IKBKE: variants seen among roughly 807,000 people sequenced by gnomAD.
The protein encoded by IKBKE is inhibitor of nuclear factor kappa B kinase subunit epsilon.
In IKBKE, 45 loss-of-function variants were observed where a neutral mutation model predicts 92.1. The ratio of observed to expected loss-of-function variants is 0.49; its 90% CI spans 0.38 to 0.63. The LOEUF is 0.63. Among genes scored for constraint, IKBKE ranks in the 20% least tolerant of loss-of-function variants. The probability of loss-of-function intolerance (pLI) is 0.00; values close to 1 mark genes in which losing one functional copy is unlikely to be tolerated. For synonymous variants in IKBKE, 374 were observed against 380.3 expected (o/e 0.98, Z 0.19); for missense variants, 700 against 932.8 (o/e 0.75, Z 3.25).
rs782077369 is a variant in IKBKE, at chr1:206,477,745, G to A, written c.702-4G>A. 9 of 1,544,642 alleles carry A rather than the reference G, an allele frequency of 5.8e-6. No homozygotes were observed. Among genetic ancestry groups the A allele is most frequent in the Admixed American group, 2.0e-5 (1 of 50,358 alleles). On this transcript the variant is annotated splice_region_variant and splice_polypyrimidine_tract_variant and intron_variant, in intron 7 of 21. Coordinates refer to ENST00000581977, the MANE Select transcript of IKBKE (RefSeq NM_014002.4). Reference sequence around the variant, plus strand: ...TCCCGCTGACCTGGCCTTCCTCCCCGCAGGTACCGGATCACCACGGAGAAG... The same window carrying A: ...TCCCGCTGACCTGGCCTTCCTCCCCACAGGTACCGGATCACCACGGAGAAG...
Position 206,474,925 on chromosome 1 carries a change from G to C in IKBKE, c.289G>C (p.Val97Leu). The change falls in exon 5 of 22, where the codon GTG (valine) becomes CTG (leucine). Residue 97 changes from valine (V) to leucine (L), a missense_variant. Val to Leu is a conservative substitution (Grantham distance 32). Transcript: ENST00000581977. ...CTGCTCCAGTGGGAGCCTGCTGAGT[G>C]TGCTGGAGAGCCCTGAGAATGCCTT... The part of the protein sequence containing the change: ...EYCSSGSLLS[V>L]LESPENAFGL... 1 of 1,614,124 alleles carries C rather than the reference G, an allele frequency of 6.2e-7. No homozygotes were observed.
chr1:206,491,543 A>G (rs1665952235), intron 17 of IKBKE, 105 bp from the exon 18 acceptor site: 3 of 767,722 alleles, frequency 3.9e-6, no homozygotes, highest in Non-Finnish European at 6.9e-6. Context: ...GGGCTTGGGC[A>G]CTTACGACAA....
rs1553385342 is a variant in IKBKE, at chr1:206,476,359, C to T, written c.537C>T (p.Tyr179=). The T allele has an allele frequency of 6.2e-6, 10 of 1,605,668 alleles. No individual in the cohort carries two copies. The Admixed American group carries it at 1.3e-4, about 22-fold the overall frequency. The change falls in exon 6 of 22, where the codon TAC becomes TAT. Residue 179 remains tyrosine (Y), a synonymous_variant. Transcript: ENST00000581977. This position sits in a 1 kb window ranked among gnomAD's most constrained non-coding sequence, Gnocchi z 5.1. ...TCTCGGTCTATGGGACTGAGGAGTA[C>T]CTGGTGGGTGAGCTGCTCGAGACCC... ...KFVSVYGTEE[Y]LHPDMYERAV...
In IKBKE at chr1:206,485,523, A is replaced by G. The variant is rs972355517; in HGVS notation, c.1616+217A>G. On this transcript the variant is annotated intron_variant, in intron 15 of 21. Coordinates refer to ENST00000581977, the MANE Select transcript of IKBKE (RefSeq NM_014002.4). The surrounding 1 kb of genome is among the most constrained non-coding windows in gnomAD (Gnocchi z 5.0). ...AGGAGAAAAGGATCTGGGGTCCTGC[A>G]CCCATCTTGGAGTTTGAGGAATGCC... Among the ~76,000 whole-genome samples, 9 of 152,176 alleles carry G rather than the reference A, an allele frequency of 5.9e-5. No individual in the cohort carries two copies. Among genetic ancestry groups the G allele is most frequent in the Non-Finnish European group, 1.3e-4 (9 of 68,030 alleles).
Position 206,474,355 on chromosome 1 carries a change from A to G in IKBKE, c.112A>G (p.Lys38Glu). The stretch of plus-strand genomic sequence containing the variant: ...GAAATCCGGAGAGCTGGTTGCTGTG[A>G]AGGTCTTCAACACTACCAGCTACCT... ...NKKSGELVAV[K>E]VFNTTSYLRP... Residue 38 changes from lysine (K) to glutamate (E), a missense_variant, in exon 4 of 22, where the codon AAG (lysine) becomes GAG (glutamate). Lys to Glu is a moderately conservative substitution (Grantham distance 56). Transcript: ENST00000581977. 6.2e-7 allele frequency: 1 copy of G among 1,613,826 alleles called. No individual in the cohort carries two copies. Among genetic ancestry groups the G allele is most frequent in the Non-Finnish European group, 8.5e-7 (1 of 1,179,838 alleles).
chr1:206,493,525 C>A, intron 20 of IKBKE, 147 bp downstream of exon 20: 1 of 624,646 alleles, frequency 1.6e-6, no homozygotes. Flanking sequence ...CGGTGGCTCA[C>A]ACCTGTAATC....
chr1:206,489,323 T>G (rs1416927428), intron 16 of IKBKE, among the ~76,000 whole-genome samples: 1 of 145,514 alleles, frequency 6.9e-6, no homozygotes, highest in Non-Finnish European at 1.5e-5. Context: ...ATTGGGAAAC[T>G]AAATTTTATA....
At chr1:206,473,047 G>T (rs1558471394) in intron 2 of IKBKE, 149 bp from the exon 3 acceptor site, 15 of 645,054 alleles carry the variant, frequency 2.3e-5, no homozygotes, top group African/African-American at 3.8e-5. Flanking sequence ...ACCTTTCTGT[G>T]CTTCACACTT....
Position 206,478,356 on chromosome 1 carries a change from G to A in IKBKE, c.992+17G>A, listed in dbSNP as rs531793863. The A allele has an allele frequency of 6.2e-7, 1 of 1,609,030 alleles. No homozygotes were observed. Among genetic ancestry groups the A allele is most frequent in the Admixed American group, 1.7e-5 (1 of 60,014 alleles). On this transcript the variant is annotated intron_variant, in intron 9 of 21. Coordinates refer to ENST00000581977, the MANE Select transcript of IKBKE (RefSeq NM_014002.4). This position sits in a 1 kb window ranked among gnomAD's most constrained non-coding sequence, Gnocchi z 4.8. ...CCACAACACGTAAGTGGGGGCGAGG[G>A]AGGGAAGCGGTGAGAACCTTCTCTA...
At chr1:206,479,956 G>T (rs1558477219) in intron 11 of IKBKE, 22 bp downstream of exon 11, 1 of 1,613,650 alleles carries the variant, frequency 6.2e-7, no homozygotes. Flanking sequence ...CCCCCAGGTG[G>T]CAGGGAGGGG....
chr1:206,493,245 C>A, intron 19 of IKBKE, 21 bp from the exon 20 acceptor site: 2 of 1,605,110 alleles, frequency 1.2e-6, no homozygotes, highest in Non-Finnish European at 1.7e-6. Flanking sequence ...AATTGCTGAC[C>A]AAAGTATGGC....
At position 206,481,732 on chromosome 1, in the gene IKBKE, G is replaced by A. The variant is rs371782091; in HGVS notation, c.1427+1199G>A. On this transcript the variant is annotated intron_variant, in intron 13 of 21. Coordinates refer to ENST00000581977, the MANE Select transcript of IKBKE (RefSeq NM_014002.4). ...GGTAAGAGGAGACCTGAGATGGGTA[G>A]AGGCAACCACGGAGGCCTTCCTGAA... is the stretch of plus-strand genomic sequence containing the variant. 7.5e-5 allele frequency among the ~76,000 whole-genome samples: 11 copies of A among 146,502 alleles called. No homozygotes were observed. In the East Asian group the frequency reaches 1.2e-3, roughly 16 times the overall value.
intron 4 of IKBKE, 35 bp downstream of exon 4, chr1:206,474,506 C>A (rs911025973): frequency 6.3e-7 from 1 of 1,585,832 alleles, no homozygotes; most frequent in South Asian, 1.1e-5. Flanking sequence ...ATGGTCTTGT[C>A]CTTGACCCTT....
rs552552984 is a variant in IKBKE, at chr1:206,489,710, AAAC to A, written c.1694-1100_1694-1098del. Among the ~76,000 whole-genome samples, 173 of 152,190 alleles carry A rather than the reference AAAC, an allele frequency of 1.1e-3. 1 individual carries two copies. Among genetic ancestry groups the A allele is most frequent in the Non-Finnish European group, 1.1e-3 (75 of 68,004 alleles). ...CAGGGCAAGAGCGAGACCCTGTCTC[AAAC>A]AACAACAATAACAAAACCTCTAGGC... is the stretch of plus-strand genomic sequence containing the variant. On this transcript the variant is annotated intron_variant, in intron 16 of 21. Transcript: ENST00000581977.
At position 206,476,508 on chromosome 1, in the gene IKBKE, C is replaced by A; in HGVS notation, c.540+146C>A. 1.8e-6 allele frequency: 2 copies of A among 1,107,818 alleles called. No individual in the cohort carries two copies. Among genetic ancestry groups the A allele is most frequent in the Non-Finnish European group, 2.6e-6 (2 of 763,696 alleles). The allele number at this position is 1,107,818 out of a possible 1,614,324, so 68.6% of individuals were successfully genotyped here. A position where few individuals can be genotyped will look rare whatever the true frequency, so the allele number is the denominator to read the frequency against. On this transcript the variant is annotated intron_variant, in intron 6 of 21. Transcript: ENST00000581977. This position sits in a 1 kb window ranked among gnomAD's most constrained non-coding sequence, Gnocchi z 5.1. ...CCCCTGTACCCCAACCAGAAGAATGCATTCTGTTCTCTAAGATGGAAAAGG... is the reference window on the plus strand; with the variant it reads ...CCCCTGTACCCCAACCAGAAGAATGAATTCTGTTCTCTAAGATGGAAAAGG...
At chr1:206,484,732 G>T (rs1553388125) in intron 13 of IKBKE, among the ~76,000 whole-genome samples, 2 of 152,100 alleles carry the variant, frequency 1.3e-5, no homozygotes. Context: ...TGCATCATGG[G>T]CCCGTGAATT....
At chr1:206,492,871 G>A (rs782382820) in intron 18 of IKBKE, 152 bp from the exon 19 acceptor site, 33 of 731,314 alleles carry the variant, frequency 4.5e-5, no homozygotes, top group Admixed American at 1.2e-4. Flanking sequence ...GCGGGCAAGC[G>A]TGGAGGGCAC....
chr1:206,481,771 T>C (rs1665408012), intron 13 of IKBKE, among the ~76,000 whole-genome samples: 1 of 69,440 alleles, frequency 1.4e-5, no homozygotes, highest in Non-Finnish European at 2.8e-5. Flanking sequence ...TGAGGCTTTT[T>C]TTTTTTTTTT....
chr1:206,494,592 C>CTTTTTTT (rs58971788), intron 21 of IKBKE, among the ~76,000 whole-genome samples: 24 of 63,904 alleles, frequency 3.8e-4, no homozygotes, highest in Non-Finnish European at 5.4e-4. Flanking sequence ...AAAGTTCTTT[C>CTTTTTTT]TTTTTTTTTT....
Sources: allele counts gnomAD v4.1 joint callset (sites outside exome capture counted in the v4.1 genomes callset), GRCh38; gene constraint gnomAD v4.1.1; non-coding constraint Gnocchi (gnomAD v3.1); transcripts MANE v1.5; gene names NCBI Gene and HGNC (gene_info 2026-07-23, HGNC 2026-07-21).